The following LUZP2 variants were observed in gnomAD, a reference collection of about 807,000 sequenced individuals.
LUZP2 encodes leucine zipper protein 2.
In LUZP2, 52 loss-of-function variants were observed where a neutral mutation model predicts 51.6. That is an observed-to-expected ratio of 1.01 (90% CI 0.81 to 1.27). The LOEUF (loss-of-function observed/expected upper bound fraction) is 1.27, where lower values mean the gene tolerates loss of function less well. LUZP2 is among the 50% of genes most tolerant of loss of function. The pLI, the probability that LUZP2 is intolerant of heterozygous loss-of-function variation, is 0.00. For missense variants in LUZP2, 436 were observed against 395.4 expected, an observed-to-expected ratio of 1.10 and a Z score of -0.87; for synonymous variants, 154 against 137.3, an observed-to-expected ratio of 1.12 and a Z score of -0.85.
intron 9 of LUZP2, among the ~76,000 whole-genome samples, chr11:25,042,275 T>G (rs1434169591): frequency 1.3e-5 from 2 of 152,140 alleles, no homozygotes; most frequent in Non-Finnish European, 2.9e-5. Flanking sequence ...CTGGAATTCT[T>G]GATTTTATAA....
intron 5 of LUZP2, among the ~76,000 whole-genome samples, chr11:24,766,239 A>T (rs1347592601): frequency 6.6e-6 from 1 of 151,746 alleles, no homozygotes; most frequent in Non-Finnish European, 1.5e-5. Flanking sequence ...ATTTTTTTTT[A>T]TGAAATATTC....
chr11:24,655,859 G>A (rs1245600368), intron 1 of LUZP2, among the ~76,000 whole-genome samples: 1 of 152,284 alleles, frequency 6.6e-6, no homozygotes, highest in African/African-American at 2.4e-5. Context: ...GTGCCTCTTA[G>A]ATGTTGGGCA....
chr11:24,999,277 T>C (rs1856603241), intron 9 of LUZP2, among the ~76,000 whole-genome samples: 1 of 151,690 alleles, frequency 6.6e-6, no homozygotes, highest in Non-Finnish European at 1.5e-5. Flanking sequence ...TCCAGAGGTA[T>C]AGTAAACCAT....
At chr11:24,932,430 G>T (rs1854481551) in intron 7 of LUZP2, among the ~76,000 whole-genome samples, 1 of 152,114 alleles carries the variant, frequency 6.6e-6, no homozygotes, top group African/African-American at 2.4e-5. Context: ...TCGGGGGCAG[G>T]TTTAGGCCTG....
chr11:24,598,037 GTTGCGGTGAGCAGAGA>G (rs1853501014), intron 1 of LUZP2, among the ~76,000 whole-genome samples: 2 of 151,554 alleles, frequency 1.3e-5, no homozygotes, highest in African/African-American at 4.9e-5. Context: ...GGAGGCAGAG[GTTGCGGTGAGCAGAGA>G]TTGCGCCATT....
chr11:25,076,448 A>G (rs1255891195), intron 10 of LUZP2, among the ~76,000 whole-genome samples: 8 of 152,090 alleles, frequency 5.3e-5, no homozygotes, highest in Admixed American at 3.3e-4. Context: ...TACACTACAT[A>G]TGTTGCTGTT....
chr11:24,545,261 G>A (rs1851503973), intron 1 of LUZP2, among the ~76,000 whole-genome samples: 2 of 150,754 alleles, frequency 1.3e-5, no homozygotes, highest in African/African-American at 2.4e-5. Context: ...TTCTTTTGCT[G>A]TGCAGAAGCT....
chr11:24,928,303 C>T lies in LUZP2; in HGVS notation c.522+13765C>T, dbSNP rs1011365937. Reference sequence around the variant, plus strand: ...TAGAAATGGGGAAAGTAGACACCCTCGTTTTGTTCCAGTTCTCAGGAGGAA... The same window carrying T: ...TAGAAATGGGGAAAGTAGACACCCTTGTTTTGTTCCAGTTCTCAGGAGGAA... On this transcript the variant is annotated intron_variant, in intron 7 of 11. Transcript: ENST00000336930. 5.9e-5 allele frequency among the ~76,000 whole-genome samples: 9 copies of T among 152,000 alleles called. No individual in the cohort carries two copies. In the East Asian group the frequency reaches 1.4e-3, roughly 23 times the overall value.
At chr11:24,785,206 TGTG>T (rs1849209739) in intron 5 of LUZP2, among the ~76,000 whole-genome samples, 2 of 152,120 alleles carry the variant, frequency 1.3e-5, no homozygotes, top group African/African-American at 4.8e-5. Context: ...ATATCTATAT[TGTG>T]GCTTTCACCA....
intron 5 of LUZP2, among the ~76,000 whole-genome samples, chr11:24,839,138 C>G (rs143229741): frequency 9.1e-4 from 138 of 151,714 alleles, no homozygotes; most frequent in African/African-American, 3.3e-3. Flanking sequence ...TGAGTTCTAC[C>G]TGTAATAGTC....
chr11:24,959,660 G>A (rs1463041882), intron 7 of LUZP2, among the ~76,000 whole-genome samples: 4 of 152,122 alleles, frequency 2.6e-5, no homozygotes, highest in Non-Finnish European at 4.4e-5. Context: ...GGCTGAGACA[G>A]TGGGGTTTTC....
At chr11:24,527,650 T>C (rs747952321) in intron 1 of LUZP2, among the ~76,000 whole-genome samples, 1 of 150,782 alleles carries the variant, frequency 6.6e-6, no homozygotes, top group Non-Finnish European at 1.5e-5. Context: ...TCAGTTTCTT[T>C]ATTCTTCAGT....
chr11:24,847,694 T>C (rs2631467), intron 5 of LUZP2, among the ~76,000 whole-genome samples: 23,166 of 152,136 alleles, frequency 0.15, 1,931 homozygotes, highest in African/African-American at 0.2. Flanking sequence ...TTAGCATTCG[T>C]TGATGAATAT....
intron 5 of LUZP2, among the ~76,000 whole-genome samples, chr11:24,788,931 A>G (rs1346364706): frequency 6.6e-6 from 1 of 152,146 alleles, no homozygotes; most frequent in Non-Finnish European, 1.5e-5. Flanking sequence ...TCAAACGCAA[A>G]TCTCATCAAA....
At chr11:24,816,006 TAAA>T (rs137926397) in intron 5 of LUZP2, among the ~76,000 whole-genome samples, 37,136 of 138,898 alleles carry the variant, frequency 0.27, 4,737 homozygotes, top group East Asian at 0.4. Context: ...CTTTTTTTTT[TAAA>T]AAAAAAAAAA....
At chr11:25,045,968 A>G (rs1858293221) in intron 9 of LUZP2, among the ~76,000 whole-genome samples, 1 of 152,202 alleles carries the variant, frequency 6.6e-6, no homozygotes, top group South Asian at 2.1e-4. Context: ...CACAGGCAGA[A>G]ATAAACTTTG....
chr11:25,062,044 A>G (rs1858854510), intron 10 of LUZP2, among the ~76,000 whole-genome samples: 1 of 146,906 alleles, frequency 6.8e-6, no homozygotes, highest in African/African-American at 2.4e-5. Flanking sequence ...GTGACATATC[A>G]GTCATACCCC....
In LUZP2 at chr11:25,081,910, T is replaced by C. The variant is rs900087643; in HGVS notation, c.*3252T>C. 3.3e-5 allele frequency: 5 copies of C among 152,310 alleles called. No individual in the cohort carries two copies. The highest frequency in any genetic ancestry group is 3.3e-4 in the Admixed American group (5 of 15,298). 9.4% of individuals were successfully genotyped at this position (152,310 alleles called of 1,614,324 possible). A position where few individuals can be genotyped will look rare whatever the true frequency, so the allele number is the denominator to read the frequency against. On this transcript the variant is annotated 3_prime_UTR_variant, in exon 12 of 12. Transcript: ENST00000336930. Reference sequence around the variant, plus strand: ...CAGAACCAACAATTGTATTTCTCTATAGTTATTTTAAAATAGTAATCAATG... The same window carrying C: ...CAGAACCAACAATTGTATTTCTCTACAGTTATTTTAAAATAGTAATCAATG...
intron 10 of LUZP2, among the ~76,000 whole-genome samples, chr11:25,050,463 C>A (rs1385866030): frequency 6.6e-6 from 1 of 151,826 alleles, no homozygotes; most frequent in African/African-American, 2.4e-5. Context: ...CGCCACCGCG[C>A]TCGGCTAATT....
Sources: gnomAD v4.1 joint callset for allele counts (sites outside exome capture counted in the v4.1 genomes callset) on GRCh38, gnomAD v4.1.1 for gene constraint, MANE v1.5 for transcripts, NCBI Gene and HGNC (gene_info 2026-07-23, HGNC 2026-07-21) for gene names.